The following INPP5B variants were observed in gnomAD, a reference collection of about 807,000 sequenced individuals.
INPP5B encodes inositol polyphosphate-5-phosphatase B.
Under a neutral mutation model 118.5 loss-of-function variants are expected in INPP5B, and 90 were observed. The ratio of observed to expected loss-of-function variants is 0.76; its 90% CI spans 0.64 to 0.90. The LOEUF (loss-of-function observed/expected upper bound fraction) is 0.90, where lower values mean the gene tolerates loss of function less well. INPP5B is among the 40% of genes least tolerant of loss of function. INPP5B has a pLI of 0.00. For synonymous variants in INPP5B, 385 were observed against 418.9 expected, an observed-to-expected ratio of 0.92 and a Z score of 0.99; for missense variants, 984 against 1,125.6, an observed-to-expected ratio of 0.87 and a Z score of 1.80.
At chr1:37,934,418 T>C (rs1006930319) in intron 6 of INPP5B, among the ~76,000 whole-genome samples, 6 of 152,240 alleles carry the variant, frequency 3.9e-5, no homozygotes, top group African/African-American at 1.4e-4. Context: ...GCTCAATTAA[T>C]GTTAGCTAAC....
At chr1:37,915,028 T>TA (rs778093216) in intron 7 of INPP5B, among the ~76,000 whole-genome samples, 4 of 152,234 alleles carry the variant, frequency 2.6e-5, no homozygotes, top group African/African-American at 7.2e-5. Flanking sequence ...CAAGCTACAG[T>TA]AACAACTGCA....
intron 19 of INPP5B, 36 bp downstream of exon 19, chr1:37,872,893 CA>C: frequency 6.6e-7 from 1 of 1,508,106 alleles, no homozygotes; most frequent in Non-Finnish European, 9.2e-7. Flanking sequence ...TTGTCTGCTA[CA>C]AAGTTCTAGA....
At chr1:37,882,939 G>T in intron 13 of INPP5B, 21 bp from the exon 14 acceptor site, 1 of 1,614,028 alleles carries the variant, frequency 6.2e-7, no homozygotes, top group Non-Finnish European at 8.5e-7. Context: ...AGAGCACAAA[G>T]GTAACAGGGT....
intron 18 of INPP5B, chr1:37,873,537 T>G: frequency 3.1e-6 from 1 of 326,434 alleles, no homozygotes; most frequent in South Asian, 3.2e-5. Context: ...ATTATCGGCC[T>G]GTGAATTGTC....
At chr1:37,896,732 T>G (rs1311315366) in intron 7 of INPP5B, among the ~76,000 whole-genome samples, 3 of 101,806 alleles carry the variant, frequency 2.9e-5, no homozygotes, top group African/African-American at 7.6e-5. Context: ...GGTGGGGGAG[T>G]CAGCCCCCCG....
intron 19 of INPP5B, among the ~76,000 whole-genome samples, chr1:37,871,485 A>T (rs565085949): frequency 1.9e-4 from 29 of 151,258 alleles, no homozygotes. Flanking sequence ...AAAACAAAAA[A>T]GGCCAGGCGT....
At chr1:37,909,854 C>T (rs1368563666) in intron 7 of INPP5B, among the ~76,000 whole-genome samples, 1 of 152,242 alleles carries the variant, frequency 6.6e-6, no homozygotes, top group Non-Finnish European at 1.5e-5. Context: ...CTCCAGCACA[C>T]AAGAACTTCA....
At position 37,889,442 on chromosome 1, in the gene INPP5B, G is replaced by A. The variant is rs559394857; in HGVS notation, c.797+115C>T. The A allele has an allele frequency of 1.8e-3, 1,312 of 747,034 alleles. 8 individuals carry two copies. The highest frequency in any genetic ancestry group is 0.011 in the Middle Eastern group (28 of 2,544). 46.3% of individuals were successfully genotyped at this position (747,034 alleles called of 1,614,324 possible). ...GAATCACTCATTTTGAAAATGAGGG[G>A]AGAGATTCTATAGAAGAGTATGTCT... On this transcript the variant is annotated intron_variant, in intron 9 of 23. Coordinates refer to ENST00000373024, the MANE Select transcript of INPP5B (RefSeq NM_005540.3).
intron 2 of INPP5B, 90 bp downstream of exon 2, chr1:37,946,162 G>T: frequency 8.2e-7 from 1 of 1,215,588 alleles, no homozygotes; most frequent in Non-Finnish European, 1.2e-6. Flanking sequence ...GTTCAGAGGG[G>T]CAGGAGAGGG....
intron 7 of INPP5B, among the ~76,000 whole-genome samples, chr1:37,908,842 GC>G (rs1644589760): frequency 6.6e-6 from 1 of 152,098 alleles, no homozygotes; most frequent in African/African-American, 2.4e-5. Context: ...GCCCAGGGCT[GC>G]TCACCCACCC....
At chr1:37,923,604 T>C (rs1645126852) in intron 7 of INPP5B, among the ~76,000 whole-genome samples, 1 of 151,350 alleles carries the variant, frequency 6.6e-6, no homozygotes, top group Non-Finnish European at 1.5e-5. Context: ...GATACCAACA[T>C]GAATAAGGGG....
chr1:37,902,786 G>A (rs1457212101), intron 7 of INPP5B, among the ~76,000 whole-genome samples: 1 of 151,914 alleles, frequency 6.6e-6, no homozygotes, highest in East Asian at 1.9e-4. Context: ...TCAAACTCCC[G>A]ACCTCAGGCG....
At chr1:37,913,409 C>A (rs1031465162) in intron 7 of INPP5B, among the ~76,000 whole-genome samples, 6 of 152,302 alleles carry the variant, frequency 3.9e-5, no homozygotes, top group Admixed American at 3.3e-4. Context: ...GCTGAACCCC[C>A]TTGGACACTC....
At chr1:37,943,271 G>A (rs550753960) in intron 5 of INPP5B, among the ~76,000 whole-genome samples, 51 of 152,200 alleles carry the variant, frequency 3.4e-4, no homozygotes, top group African/African-American at 1.1e-3. Flanking sequence ...GATTACAGGC[G>A]TGAGCCACTG....
At chr1:37,916,823 C>A (rs1335399229) in intron 7 of INPP5B, among the ~76,000 whole-genome samples, 1 of 152,054 alleles carries the variant, frequency 6.6e-6, no homozygotes, top group Non-Finnish European at 1.5e-5. Flanking sequence ...GAGGCAGCAA[C>A]ATTATTTCTT....
At chr1:37,883,054 ATT>A in intron 13 of INPP5B, 136 bp from the exon 14 acceptor site, 1 of 1,439,150 alleles carries the variant, frequency 6.9e-7, no homozygotes, top group South Asian at 1.5e-5. Context: ...TGTTCGGAAA[ATT>A]TTTTTCTCTC....
chr1:37,927,156 G>A (rs1329940691), intron 7 of INPP5B, among the ~76,000 whole-genome samples: 1 of 152,022 alleles, frequency 6.6e-6, no homozygotes, highest in East Asian at 1.9e-4. Flanking sequence ...GTGTGGTGGC[G>A]TGCAGGTGCA....
chr1:37,871,826 G>A (rs1642458427), intron 19 of INPP5B, among the ~76,000 whole-genome samples: 2 of 151,696 alleles, frequency 1.3e-5, no homozygotes, highest in African/African-American at 2.4e-5. Context: ...GAACCTGGGA[G>A]ACGGTGGTTG....
chr1:37,938,276 A>AATAC (rs1322378155), intron 6 of INPP5B, among the ~76,000 whole-genome samples: 1 of 138,996 alleles, frequency 7.2e-6, no homozygotes, highest in Non-Finnish European at 1.6e-5. Context: ...CTCAAAAATA[A>AATAC]ATAAATAAAT....
Sources: allele counts gnomAD v4.1 joint callset (sites outside exome capture counted in the v4.1 genomes callset), GRCh38; gene constraint gnomAD v4.1.1; transcripts MANE v1.5; gene names NCBI Gene and HGNC (gene_info 2026-07-23, HGNC 2026-07-21).